The following CCDC171 variants were observed in gnomAD, a reference collection of about 807,000 sequenced individuals.
The protein encoded by CCDC171 is coiled-coil domain-containing protein 171.
Under a neutral mutation model 168.2 loss-of-function variants are expected in CCDC171, and 177 were observed. That is an observed-to-expected ratio of 1.05 (90% CI 0.93 to 1.19). The LOEUF (loss-of-function observed/expected upper bound fraction) is 1.19. Ranked by LOEUF, CCDC171 falls within the 50% of genes most tolerant of loss-of-function variation. The pLI, the probability that CCDC171 is intolerant of heterozygous loss-of-function variation, is 0.00. For missense variants in CCDC171, 1,991 were observed against 1,539.0 expected, an observed-to-expected ratio of 1.29 and a Z score of -4.91; for synonymous variants, 687 against 540.8, an observed-to-expected ratio of 1.27 and a Z score of -3.75.
chr9:16,097,609 A>G, the CCDC171 span, among the ~76,000 whole-genome samples: 1 of 152,198 alleles, frequency 6.6e-6, no homozygotes, highest in African/African-American at 2.4e-5. Flanking sequence ...ACTATCTCAA[A>G]AAAGGATGAA....
At position 15,971,736 on chromosome 9, in the gene CCDC171, A is replaced by G. The variant is rs1210998403; in HGVS notation, c.3881A>G (p.Glu1294Gly). The change falls in exon 26 of 26, where the codon GAG (glutamate) becomes GGG (glycine). Residue 1294 changes from glutamate to glycine, a missense_variant. Transcript: ENST00000380701. The stretch of plus-strand genomic sequence containing the variant: ...GATACTACTTACACTTTCTTAAAGG[A>G]GACATTTATAAATACTGTGCCCCAT... ...ELDTTYTFLK[E>G]TFINTVPHAL... 1.9e-6 allele frequency: 3 copies of G among 1,613,828 alleles called. No homozygotes were observed. The highest frequency in any genetic ancestry group is 2.7e-5 in the African/African-American group (2 of 74,922).
chr9:15,650,628 A>G (rs976983799), intron 7 of CCDC171, among the ~76,000 whole-genome samples: 2 of 152,124 alleles, frequency 1.3e-5, no homozygotes, highest in African/African-American at 4.8e-5. Flanking sequence ...ACGTGCTCAG[A>G]TATATGATTT....
At chr9:15,903,221 A>G (rs1260815734) in intron 24 of CCDC171, among the ~76,000 whole-genome samples, 3 of 152,216 alleles carry the variant, frequency 2.0e-5, no homozygotes, top group Non-Finnish European at 4.4e-5. Context: ...CTGAGAACGG[A>G]CAGACTGCCT....
intron 8 of CCDC171, among the ~76,000 whole-genome samples, chr9:15,660,843 G>A (rs2048260144): frequency 6.6e-6 from 1 of 152,190 alleles, no homozygotes; most frequent in Non-Finnish European, 1.5e-5. Context: ...TATATACCCA[G>A]TAATGGGGTT....
chr9:15,899,659 A>G (rs1286179081), intron 24 of CCDC171, among the ~76,000 whole-genome samples: 1 of 152,138 alleles, frequency 6.6e-6, no homozygotes, highest in East Asian at 1.9e-4. Flanking sequence ...TGCGATTTGT[A>G]TATTCTCTTT....
chr9:15,660,440 A>C (rs762350439), intron 8 of CCDC171, among the ~76,000 whole-genome samples: 27 of 152,128 alleles, frequency 1.8e-4, no homozygotes, highest in Non-Finnish European at 3.4e-4. Context: ...CATAGCACCC[A>C]ATTGTTAATT....
intron 18 of CCDC171, among the ~76,000 whole-genome samples, chr9:15,748,980 T>C (rs1588280709): frequency 6.6e-6 from 1 of 152,232 alleles, no homozygotes; most frequent in Middle Eastern, 3.4e-3. Flanking sequence ...TAACCTTAAA[T>C]GTAAATGGGC....
At position 15,666,166 on chromosome 9, in the gene CCDC171, C is replaced by G. The variant is rs757715493; in HGVS notation, c.919C>G (p.Arg307Gly). 1 of 1,612,962 alleles carries G rather than the reference C, an allele frequency of 6.2e-7. No individual in the cohort carries two copies. The highest frequency in any genetic ancestry group is 8.5e-7 in the Non-Finnish European group (1 of 1,179,548). ...TTACTTGTCTGTCGTCCGGTAGTTACGGATTCGAGACCTTGAAGGAGCTTT... is the reference window on the plus strand; with the variant it reads ...TTACTTGTCTGTCGTCCGGTAGTTAGGGATTCGAGACCTTGAAGGAGCTTT... The part of the protein sequence containing the change: ...SKFNSEIIQL[R>G]IRDLEGALQV... Residue 307 changes from arginine (R) to glycine (G), a missense_variant, in exon 9 of 26, where the codon CGG (arginine) becomes GGG (glycine). Transcript: ENST00000380701.
intron 21 of CCDC171, among the ~76,000 whole-genome samples, chr9:15,795,347 A>G (rs1045902548): frequency 3.3e-5 from 5 of 152,192 alleles, no homozygotes; most frequent in Non-Finnish European, 5.9e-5. Flanking sequence ...CACCTCTTAA[A>G]GGTCTCACCT....
intron 24 of CCDC171, among the ~76,000 whole-genome samples, chr9:15,907,727 C>A (rs973163475): frequency 6.6e-6 from 1 of 152,324 alleles, no homozygotes; most frequent in Admixed American, 6.5e-5. Flanking sequence ...AGGCAACCTA[C>A]AGAATGGGAG....
intron 24 of CCDC171, chr9:15,875,278 A>C (rs1817691221): frequency 6.6e-6 from 1 of 151,956 alleles, no homozygotes; most frequent in African/African-American, 2.4e-5. Flanking sequence ...AAATCATAAG[A>C]ACTCAAATAA....
downstream of CCDC171, among the ~76,000 whole-genome samples, chr9:16,065,019 C>G (rs1023693433): frequency 6.6e-6 from 1 of 152,152 alleles, no homozygotes. Context: ...AGTGCACCAG[C>G]TTGATTTGGT....
intron 3 of CCDC171, among the ~76,000 whole-genome samples, chr9:15,572,842 G>A (rs543237526): frequency 1.2e-4 from 19 of 152,260 alleles, no homozygotes; most frequent in Admixed American, 3.9e-4. Flanking sequence ...ATAATAGGCC[G>A]TCAGTAGTTG....
intron 8 of CCDC171, among the ~76,000 whole-genome samples, chr9:15,664,583 C>CACACACAT (rs1377463380): frequency 6.6e-6 from 1 of 151,870 alleles, no homozygotes; most frequent in Admixed American, 6.6e-5. Context: ...CACACACACA[C>CACACACAT]ACACACTCAC....
intron 3 of CCDC171, among the ~76,000 whole-genome samples, chr9:15,979,518 A>G (rs906436331): frequency 2.6e-5 from 4 of 152,080 alleles, no homozygotes; most frequent in African/African-American, 7.2e-5. Context: ...CAATTTGTCA[A>G]ATATTTTTTC....
downstream of CCDC171, among the ~76,000 whole-genome samples, chr9:16,065,809 G>GGTGTGTGTGT (rs113107786): frequency 0.02 from 2,884 of 144,264 alleles, 42 homozygotes; most frequent in African/African-American, 0.04. Context: ...TTGTGTGCAT[G>GGTGTGTGTGT]GTGTGTGTGT....
chr9:15,773,404 C>T (rs2057116447), intron 18 of CCDC171, among the ~76,000 whole-genome samples: 1 of 152,194 alleles, frequency 6.6e-6, no homozygotes, highest in Non-Finnish European at 1.5e-5. Context: ...TTTAGAACTA[C>T]AGGTCGAAAC....
At chr9:15,616,457 A>ATTT (rs1564057924) in intron 6 of CCDC171, among the ~76,000 whole-genome samples, 1 of 151,832 alleles carries the variant, frequency 6.6e-6, no homozygotes, top group African/African-American at 2.4e-5. Flanking sequence ...TTATTTTACT[A>ATTT]TATAAAATAC....
chr9:15,679,672 C>G (rs575799836), intron 10 of CCDC171, among the ~76,000 whole-genome samples: 1 of 152,200 alleles, frequency 6.6e-6, no homozygotes, highest in South Asian at 2.1e-4. Flanking sequence ...GCCTCAGCCC[C>G]CCGAGTAGCT....
Sources: gnomAD v4.1 joint callset for allele counts (sites outside exome capture counted in the v4.1 genomes callset) on GRCh38, gnomAD v4.1.1 for gene constraint, MANE v1.5 for transcripts, NCBI Gene and HGNC (gene_info 2026-07-23, HGNC 2026-07-21) for gene names.